Variants in SYT2 observed in about 807,000 individuals in gnomAD.
SYT2 encodes synaptotagmin 2.
A neutral mutation model predicts 39.9 loss-of-function variants in SYT2; 15 were observed. The observed-to-expected ratio is 0.38, with a 90% CI of 0.25 to 0.58. The LOEUF (loss-of-function observed/expected upper bound fraction) is 0.58. SYT2 is among the 20% of genes least tolerant of loss of function. The pLI, the probability that SYT2 is intolerant of heterozygous loss-of-function variation, is 0.70. For missense variants in SYT2, 389 were observed against 530.3 expected, an observed-to-expected ratio of 0.73 and a Z score of 2.62; for synonymous variants, 181 against 204.5, an observed-to-expected ratio of 0.89 and a Z score of 0.98.
chr1:202,661,674 G>C (rs1252390918), intron 1 of SYT2, among the ~76,000 whole-genome samples: 4 of 152,042 alleles, frequency 2.6e-5, no homozygotes, highest in African/African-American at 9.7e-5. Flanking sequence ...GCTCCAAGGG[G>C]GCAGGTGTTC....
intron 1 of SYT2, among the ~76,000 whole-genome samples, chr1:202,703,664 G>A (rs1177734172): frequency 1.3e-5 from 2 of 151,936 alleles, no homozygotes; most frequent in Admixed American, 6.6e-5. Flanking sequence ...TTTTTGCCTC[G>A]GTCACCTCTT....
At chr1:202,692,433 C>A (rs963123866) in intron 1 of SYT2, among the ~76,000 whole-genome samples, 3 of 152,156 alleles carry the variant, frequency 2.0e-5, no homozygotes, top group African/African-American at 7.2e-5. Context: ...TTTCAACAAG[C>A]TGGAGAAAGA....
chr1:202,657,861 G>A lies in SYT2; in HGVS notation c.-17-52072C>T, dbSNP rs549076717. On this transcript the variant is annotated intron_variant, in intron 1 of 8. Coordinates refer to ENST00000367268, the MANE Select transcript of SYT2 (RefSeq NM_177402.5). The stretch of plus-strand genomic sequence containing the variant: ...AGCTCAGGGTATGTTTGGTGGGGAC[G>A]TAATGCTGATCCTGCATCTCCTCTT... Among the ~76,000 whole-genome samples, 10 of 152,280 alleles carry A rather than the reference G, an allele frequency of 6.6e-5. No homozygotes were observed. The East Asian group carries it at 9.6e-4, about 15-fold the overall frequency.
intron 1 of SYT2, among the ~76,000 whole-genome samples, chr1:202,615,097 A>G (rs902976820): frequency 1.3e-5 from 2 of 152,210 alleles, no homozygotes; most frequent in African/African-American, 4.8e-5. Context: ...CCGAGCTCTT[A>G]TGAAAGACAG....
At chr1:202,676,050 A>G (rs1653360956) in intron 1 of SYT2, among the ~76,000 whole-genome samples, 1 of 151,860 alleles carries the variant, frequency 6.6e-6, no homozygotes, top group African/African-American at 2.4e-5. Context: ...TCCCAACCCA[A>G]CTCACTTCAA....
At chr1:202,679,551 T>G (rs1483194604) in intron 1 of SYT2, among the ~76,000 whole-genome samples, 1 of 152,188 alleles carries the variant, frequency 6.6e-6, no homozygotes, top group Non-Finnish European at 1.5e-5. Flanking sequence ...GGTGCATTAC[T>G]CTTCCTAATT....
intron 1 of SYT2, among the ~76,000 whole-genome samples, chr1:202,686,306 C>T (rs1166106551): frequency 6.6e-6 from 1 of 152,206 alleles, no homozygotes; most frequent in Non-Finnish European, 1.5e-5. Context: ...CAGATATTTC[C>T]TTATAACAAC....
intron 1 of SYT2, among the ~76,000 whole-genome samples, chr1:202,700,937 C>T (rs563868202): frequency 7.9e-5 from 12 of 152,344 alleles, no homozygotes; most frequent in Non-Finnish European, 1.5e-4. Context: ...AATCTGAAAC[C>T]TTGCACTTGG....
intron 1 of SYT2, among the ~76,000 whole-genome samples, chr1:202,615,223 C>T (rs1691001859): frequency 6.6e-6 from 1 of 152,154 alleles, no homozygotes; most frequent in South Asian, 2.1e-4. Context: ...TCCAACAAAA[C>T]CAGGAGGCCA....
At chr1:202,645,818 G>T (rs1692069822) in intron 1 of SYT2, among the ~76,000 whole-genome samples, 1 of 152,192 alleles carries the variant, frequency 6.6e-6, no homozygotes, top group African/African-American at 2.4e-5. Flanking sequence ...AATGGGGGAG[G>T]ATGGGAACAC....
chr1:202,660,544 A>G lies in SYT2; in HGVS notation c.-18+49714T>C, dbSNP rs564549317. 3.3e-5 allele frequency among the ~76,000 whole-genome samples: 5 copies of G among 152,120 alleles called. No homozygotes were observed. In the South Asian group the frequency reaches 1.0e-3, roughly 32 times the overall value. On this transcript the variant is annotated intron_variant, in intron 1 of 8. Coordinates refer to ENST00000367268, the MANE Select transcript of SYT2 (RefSeq NM_177402.5). ...CATAAAGTTCAGATTCCCAGGCCCA[A>G]CTCCAGAGATTTTGATTCAGCAAGC...
intron 1 of SYT2, among the ~76,000 whole-genome samples, chr1:202,655,096 G>A (rs1184972523): frequency 1.3e-5 from 2 of 152,166 alleles, no homozygotes; most frequent in Non-Finnish European, 2.9e-5. Flanking sequence ...GTAAGAGCAT[G>A]AGGTGGGTGT....
chr1:202,660,177 C>T lies in SYT2; in HGVS notation c.-18+50081G>A, dbSNP rs146382595. On this transcript the variant is annotated intron_variant, in intron 1 of 8. Coordinates refer to ENST00000367268, the MANE Select transcript of SYT2 (RefSeq NM_177402.5). ...GACCTGAGTTAGCCACAAGGGGGAA[C>T]ATCTCACCAGAAAAGCAGAAGGAAC... 1.8e-3 allele frequency among the ~76,000 whole-genome samples: 267 copies of T among 152,258 alleles called. 2 individuals are homozygous for T. The highest frequency in any genetic ancestry group is 4.4e-3 in the African/African-American group (181 of 41,544).
chr1:202,619,797 C>T (rs972140279), intron 1 of SYT2, among the ~76,000 whole-genome samples: 2 of 152,198 alleles, frequency 1.3e-5, no homozygotes, highest in Non-Finnish European at 2.9e-5. Flanking sequence ...CAGAGCAGGG[C>T]AGGCAGGAGG....
In SYT2 at chr1:202,630,295, A is replaced by C. The variant is rs192111679; in HGVS notation, c.-17-24506T>G. The C allele has an allele frequency of 1.8e-5, 15 of 847,988 alleles. No individual in the cohort carries two copies. In the East Asian group the frequency reaches 6.2e-4, roughly 35 times the overall value. 52.5% of individuals were successfully genotyped at this position (847,988 alleles called of 1,614,324 possible). A position where few individuals can be genotyped will look rare whatever the true frequency, so the allele number is the denominator to read the frequency against. On this transcript the variant is annotated intron_variant, in intron 1 of 8. Transcript: ENST00000367268. ...GGGGGCTGACCCCTGGCTCCCACAC[A>C]CTCTGGCTTGACCAGGTGCTGGAGG...
intron 1 of SYT2, among the ~76,000 whole-genome samples, chr1:202,659,552 C>T (rs144301181): frequency 2.6e-5 from 4 of 152,332 alleles, no homozygotes; most frequent in East Asian, 3.9e-4. Flanking sequence ...GCCTTGGAAA[C>T]GACTCTGAAA....
In SYT2 at chr1:202,601,947, C is replaced by T. The variant is rs145097185; in HGVS notation, c.744G>A (p.Val248=). 643 of 1,614,196 alleles carry T rather than the reference C, an allele frequency of 4.0e-4. 3 individuals are homozygous for T. The African/African-American group carries it at 7.9e-3, about 20-fold the overall frequency. Residue 248 remains valine (V), a synonymous_variant, in exon 6 of 9, where the codon GTG becomes GTA. Transcript: ENST00000367268. The surrounding 1 kb of genome is among the most constrained non-coding windows in gnomAD (Gnocchi z 4.0). ...ACTCCTCAATGGGCTGGCCGAGGTCCACTGTGTTCATAGGCACCTTTACCT... is the reference window on the plus strand; with the variant it reads ...ACTCCTCAATGGGCTGGCCGAGGTCTACTGTGTTCATAGGCACCTTTACCT... ...IGEVKVPMNT[V]DLGQPIEEWR... is the part of the protein sequence containing the mutation.
intron 1 of SYT2, among the ~76,000 whole-genome samples, chr1:202,615,428 C>G (rs189364528): frequency 4.6e-5 from 7 of 152,220 alleles, no homozygotes; most frequent in Non-Finnish European, 8.8e-5. Context: ...GTCACCCCCC[C>G]ACATCCCAGG....
At chr1:202,624,276 G>A (rs760632712) in intron 1 of SYT2, among the ~76,000 whole-genome samples, 54 of 151,084 alleles carry the variant, frequency 3.6e-4, no homozygotes, top group Non-Finnish European at 2.8e-4. Flanking sequence ...GGACAGTGGG[G>A]TGTGTATATA....
Sources: allele counts gnomAD v4.1 joint callset (sites outside exome capture counted in the v4.1 genomes callset), GRCh38; gene constraint gnomAD v4.1.1; non-coding constraint Gnocchi (gnomAD v3.1); transcripts MANE v1.5; gene names NCBI Gene and HGNC (gene_info 2026-07-23, HGNC 2026-07-21).